The following ATP8B4 variants were observed in gnomAD, a reference collection of about 807,000 sequenced individuals.
ATP8B4 encodes ATPase phospholipid transporting 8B4 (putative), also known as probable phospholipid-transporting ATPase IM.
In ATP8B4, 133 loss-of-function variants were observed where a neutral mutation model predicts 145.6. The observed-to-expected ratio is 0.91, with a 90% CI of 0.79 to 1.05. ATP8B4 has a LOEUF of 1.05. ATP8B4 is among the 50% of genes least tolerant of loss of function. ATP8B4 has a pLI of 0.00. For synonymous variants in ATP8B4, 507 were observed against 492.9 expected, an observed-to-expected ratio of 1.03 and a Z score of -0.38; for missense variants, 1,458 against 1,425.2, an observed-to-expected ratio of 1.02 and a Z score of -0.37.
At chr15:49,964,648 A>G (rs535865172) in intron 13 of ATP8B4, among the ~76,000 whole-genome samples, 1 of 152,324 alleles carries the variant, frequency 6.6e-6, no homozygotes, top group African/African-American at 2.4e-5. Context: ...TTAAGAGTCT[A>G]AAGGGATTAC....
intron 1 of ATP8B4, among the ~76,000 whole-genome samples, chr15:50,167,778 C>T (rs2044615558): frequency 6.6e-6 from 1 of 152,088 alleles, no homozygotes; most frequent in African/African-American, 2.4e-5. Context: ...TTTCAATTCC[C>T]TTACCAAAAA....
At chr15:50,058,329 C>T (rs1301149129) in intron 3 of ATP8B4, among the ~76,000 whole-genome samples, 1 of 152,180 alleles carries the variant, frequency 6.6e-6, no homozygotes, top group Non-Finnish European at 1.5e-5. Context: ...ATTTCCTGAA[C>T]TACAACTTTG....
intron 6 of ATP8B4, among the ~76,000 whole-genome samples, chr15:50,026,974 G>A (rs2050053289): frequency 6.6e-6 from 1 of 152,126 alleles, no homozygotes; most frequent in Non-Finnish European, 1.5e-5. Flanking sequence ...AGCCTGTAAA[G>A]ACCTAGTAAT....
At chr15:50,144,244 G>T (rs2044247907) in intron 1 of ATP8B4, among the ~76,000 whole-genome samples, 1 of 152,198 alleles carries the variant, frequency 6.6e-6, no homozygotes, top group Non-Finnish European at 1.5e-5. Context: ...GATGGTGGTA[G>T]AAATGCAAAG....
intron 7 of ATP8B4, among the ~76,000 whole-genome samples, chr15:50,003,312 G>GTGTGTGTGTGTGTGTGT (rs59851126): frequency 1.3e-5 from 2 of 149,184 alleles, no homozygotes; most frequent in East Asian, 2.0e-4. Context: ...GTGTGTGTGT[G>GTGTGTGTGTGTGTGTGT]GTTTTGTCTA....
chr15:49,898,196 C>T lies in ATP8B4; in HGVS notation c.2345G>A (p.Cys782Tyr). The T allele has an allele frequency of 6.2e-7, 1 of 1,613,838 alleles. No individual in the cohort carries two copies. The highest frequency in any genetic ancestry group is 8.5e-7 in the Non-Finnish European group (1 of 1,179,856). The stretch of plus-strand genomic sequence containing the variant: ...GACCCTGCAGCAAATTACAGTCTTA[C>T]ACATGCAAGCAAGTTCTAGGAGATC... ...KNDLLELACM[C>Y]KTVICCRVTP... is the part of the protein sequence containing the mutation. Residue 782 changes from cysteine to tyrosine, a missense_variant, in exon 22 of 28, where the codon TGT (cysteine) becomes TAT (tyrosine). Transcript: ENST00000284509.
chr15:50,028,157 A>G (rs1406115900), intron 6 of ATP8B4, among the ~76,000 whole-genome samples: 1 of 152,090 alleles, frequency 6.6e-6, no homozygotes, highest in Non-Finnish European at 1.5e-5. Context: ...GTTGCTGATG[A>G]TGTTACTTTT....
At chr15:49,867,790 T>C (rs2033051985) in intron 25 of ATP8B4, among the ~76,000 whole-genome samples, 1 of 152,164 alleles carries the variant, frequency 6.6e-6, no homozygotes, top group East Asian at 1.9e-4. Context: ...TGCAATTAGG[T>C]CACAGAAAAA....
intron 14 of ATP8B4, among the ~76,000 whole-genome samples, chr15:49,955,842 A>G (rs2043511893): frequency 6.6e-6 from 1 of 152,292 alleles, no homozygotes; most frequent in East Asian, 1.9e-4. Flanking sequence ...CATGAAATAA[A>G]ATGGTTCTTG....
intron 23 of ATP8B4, among the ~76,000 whole-genome samples, chr15:49,890,287 G>A (rs1391920322): frequency 6.6e-6 from 1 of 152,196 alleles, no homozygotes; most frequent in East Asian, 1.9e-4. Flanking sequence ...GAAAGTGATG[G>A]AAGATTAGGC....
At chr15:50,088,836 A>G (rs746929165) in intron 2 of ATP8B4, among the ~76,000 whole-genome samples, 29 of 152,198 alleles carry the variant, frequency 1.9e-4, no homozygotes, top group Non-Finnish European at 3.2e-4. Context: ...AATGATGGAT[A>G]GATGGATGGA....
chr15:49,866,454 T>C lies in ATP8B4; in HGVS notation c.3058A>G (p.Ile1020Val). 1.2e-6 allele frequency: 2 copies of C among 1,613,854 alleles called. No individual in the cohort carries two copies. Among genetic ancestry groups the C allele is most frequent in the Non-Finnish European group, 1.7e-6 (2 of 1,179,724 alleles). Residue 1020 changes from isoleucine (I) to valine (V), a missense_variant, in exon 26 of 28, where the codon ATT (isoleucine) becomes GTT (valine). Ile to Val is a conservative substitution (Grantham distance 29). Transcript: ENST00000284509. The part of the protein sequence containing the change: ...IALDTSYWTF[I>V]NHVFIWGSIA... ...CTCCCCCAGATGAAGACGTGATTAA[T>C]GAAAGTCCAGTAACTGGTATCCAAG...
chr15:50,172,672 G>C (rs538273246), intron 1 of ATP8B4, among the ~76,000 whole-genome samples: 2 of 151,518 alleles, frequency 1.3e-5, no homozygotes, highest in African/African-American at 4.9e-5. Context: ...TCCTCTTCCC[G>C]GCCGTCATCC....
chr15:50,141,846 T>C (rs2044216610), intron 1 of ATP8B4, among the ~76,000 whole-genome samples: 1 of 152,164 alleles, frequency 6.6e-6, no homozygotes, highest in Non-Finnish European at 1.5e-5. Context: ...GTGGCTGCCA[T>C]ATTGGACAGC....
chr15:49,918,866 T>C lies in ATP8B4; in HGVS notation c.2008A>G (p.Ile670Val). ...VTSLSLANIK[I>V]WVLTGDKQET... ...TGTTTGTCTCCTGTTAGGACCCAGA[T>C]CTTAATATTGGCTAGTGATAAACTT... The change falls in exon 19 of 28, where the codon ATC (isoleucine) becomes GTC (valine). Residue 670 changes from isoleucine (I) to valine (V), a missense_variant. Transcript: ENST00000284509. 1 of 1,612,950 alleles carries C rather than the reference T, an allele frequency of 6.2e-7. No homozygotes were observed. Among genetic ancestry groups the C allele is most frequent in the East Asian group, 2.2e-5 (1 of 44,806 alleles).
chr15:49,974,273 G>C (rs1488548367), intron 12 of ATP8B4, among the ~76,000 whole-genome samples: 1 of 151,678 alleles, frequency 6.6e-6, no homozygotes, highest in Non-Finnish European at 1.5e-5. Context: ...AGTAGAGACG[G>C]GGTTTCACTA....
At chr15:50,114,103 C>CTTTCTTT (rs1555494034) in intron 1 of ATP8B4, among the ~76,000 whole-genome samples, 6 of 55,644 alleles carry the variant, frequency 1.1e-4, no homozygotes, top group African/African-American at 3.4e-4. Context: ...CTCCTAGTTT[C>CTTTCTTT]TTTTTTTTTT....
At position 49,979,761 on chromosome 15, in the gene ATP8B4, A is replaced by G. The variant is rs1392213992; in HGVS notation, c.890T>C (p.Ile297Thr). 6 of 1,609,750 alleles carry G rather than the reference A, an allele frequency of 3.7e-6. No homozygotes were observed. The African/African-American group carries it at 6.7e-5, about 18-fold the overall frequency. ...LGIILAIGNS[I>T]WESQTGDQFR... ...TTGGTCCCCAGTTTGACTCTCCCAGATTGAATTTCCTATTGCAAGAATAAT... is the reference window on the plus strand; with the variant it reads ...TTGGTCCCCAGTTTGACTCTCCCAGGTTGAATTTCCTATTGCAAGAATAAT... Residue 297 changes from isoleucine (I) to threonine (T), a missense_variant, in exon 12 of 28, where the codon ATC becomes ACC. Transcript: ENST00000284509.
intron 25 of ATP8B4, among the ~76,000 whole-genome samples, chr15:49,876,030 G>C (rs2034364294): frequency 6.6e-6 from 1 of 151,878 alleles, no homozygotes; most frequent in Admixed American, 6.6e-5. Flanking sequence ...TACATACAAT[G>C]CACAACCCAA....
Sources: gnomAD v4.1 joint callset for allele counts (sites outside exome capture counted in the v4.1 genomes callset) on GRCh38, gnomAD v4.1.1 for gene constraint, MANE v1.5 for transcripts, NCBI Gene and HGNC (gene_info 2026-07-23, HGNC 2026-07-21) for gene names.